The following DIPK1A variants were observed in gnomAD, a reference collection of about 807,000 sequenced individuals.
The protein encoded by DIPK1A is divergent protein kinase domain 1A.
DIPK1A carries 27 observed loss-of-function variants against 40.8 expected under a neutral mutation model. The observed-to-expected ratio is 0.66, with a 90% confidence interval of 0.49 to 0.91. The LOEUF (loss-of-function observed/expected upper bound fraction) is 0.91, where lower values mean the gene tolerates loss of function less well. Ranked by LOEUF, DIPK1A falls within the 40% of genes least tolerant of loss-of-function variation. DIPK1A has a pLI of 0.00. For synonymous variants in DIPK1A, 166 were observed against 171.3 expected (o/e 0.97, Z 0.24); for missense variants, 412 against 505.7 (o/e 0.81, Z 1.78).
intron 2 of DIPK1A, among the ~76,000 whole-genome samples, chr1:92,864,394 G>A (rs1026940544): frequency 1.3e-5 from 2 of 151,258 alleles, no homozygotes; most frequent in Non-Finnish European, 2.9e-5. Flanking sequence ...TAAAGGATGT[G>A]CTCATATAAT....
chr1:92,836,431 G>A, intron 4 of DIPK1A: 2 of 1,572,620 alleles, frequency 1.3e-6, no homozygotes, highest in South Asian at 1.1e-5. Flanking sequence ...CTGGACCGTG[G>A]TACTTCCCTG....
At chr1:92,834,899 C>G (rs766476007) in intron 4 of DIPK1A, 1 of 1,601,814 alleles carries the variant, frequency 6.2e-7, no homozygotes. Flanking sequence ...TACTGGCCTG[C>G]TGCTGGCCCG....
intron 4 of DIPK1A, among the ~76,000 whole-genome samples, chr1:92,846,911 G>GTATA (rs36139888): frequency 1.7e-4 from 2 of 11,614 alleles, no homozygotes; most frequent in East Asian, 1.9e-3. Flanking sequence ...ATATATACGT[G>GTATA]TATATATATA....
At chr1:92,909,673 T>C (rs1042218237) in intron 1 of DIPK1A, among the ~76,000 whole-genome samples, 1 of 152,192 alleles carries the variant, frequency 6.6e-6, no homozygotes, top group Non-Finnish European at 1.5e-5. Context: ...GTTCTGATTA[T>C]TGGCCCTAGG....
chr1:92,890,432 G>A (rs1648811230), intron 1 of DIPK1A, among the ~76,000 whole-genome samples: 1 of 152,146 alleles, frequency 6.6e-6, no homozygotes, highest in African/African-American at 2.4e-5. Flanking sequence ...TCCTTGTTCA[G>A]TATCATGTTG....
At chr1:92,948,801 A>G (rs1651506343) in intron 1 of DIPK1A, among the ~76,000 whole-genome samples, 1 of 145,380 alleles carries the variant, frequency 6.9e-6, no homozygotes, top group Admixed American at 7.0e-5. Context: ...GTGTGTGTAT[A>G]TATATATATT....
intron 1 of DIPK1A, among the ~76,000 whole-genome samples, chr1:92,914,310 G>A (rs555400625): frequency 6.6e-6 from 1 of 151,986 alleles, no homozygotes; most frequent in African/African-American, 2.4e-5. Context: ...CTTGTTCTAG[G>A]TTGTCTTTGT....
chr1:92,875,446 G>A (rs1648073067), intron 2 of DIPK1A, among the ~76,000 whole-genome samples: 1 of 152,148 alleles, frequency 6.6e-6, no homozygotes, highest in South Asian at 2.1e-4. Flanking sequence ...GCCAGGTGCG[G>A]TGGCTCATGC....
chr1:92,961,336 G>C (rs1322294749), intron 1 of DIPK1A, 40 bp downstream of exon 1: 11 of 1,458,052 alleles, frequency 7.5e-6, no homozygotes, highest in Non-Finnish European at 9.2e-6. Context: ...CACACGGCCG[G>C]GTGCTCCCGC....
intron 2 of DIPK1A, among the ~76,000 whole-genome samples, chr1:92,863,248 T>C (rs1329743581): frequency 6.6e-6 from 1 of 152,156 alleles, no homozygotes; most frequent in African/African-American, 2.4e-5. Flanking sequence ...ACAATAAATA[T>C]TTAACTGAAA....
intron 1 of DIPK1A, among the ~76,000 whole-genome samples, chr1:92,924,861 C>T (rs966548695): frequency 2.6e-5 from 4 of 152,208 alleles, no homozygotes; most frequent in Non-Finnish European, 4.4e-5. Flanking sequence ...CATGGGCCTT[C>T]GGCTCCCTGC....
At chr1:92,891,227 A>G (rs1648855634) in intron 1 of DIPK1A, among the ~76,000 whole-genome samples, 1 of 151,538 alleles carries the variant, frequency 6.6e-6, no homozygotes, top group Non-Finnish European at 1.5e-5. Context: ...TGGTTAGTCC[A>G]GCTAATGGTT....
chr1:92,852,078 G>A (rs1426449379), intron 2 of DIPK1A, among the ~76,000 whole-genome samples: 3 of 152,164 alleles, frequency 2.0e-5, no homozygotes, highest in Non-Finnish European at 2.9e-5. Flanking sequence ...CCCGCACATG[G>A]CTGGCTGAAG....
At chr1:92,948,930 A>C (rs1268048471) in intron 1 of DIPK1A, among the ~76,000 whole-genome samples, 1 of 149,666 alleles carries the variant, frequency 6.7e-6, no homozygotes, top group Non-Finnish European at 1.5e-5. Flanking sequence ...TCAGCCTCAC[A>C]AGTAGCTGGG....
At chr1:92,848,614 C>G (rs1557451191) in intron 3 of DIPK1A, among the ~76,000 whole-genome samples, 1 of 152,216 alleles carries the variant, frequency 6.6e-6, no homozygotes, top group Non-Finnish European at 1.5e-5. Context: ...CCCAGGTCAC[C>G]TCTAACCCTG....
In DIPK1A at chr1:92,895,836, A is replaced by C. The variant is rs1451160577; in HGVS notation, c.55-19406T>G. Among the ~76,000 whole-genome samples, 16 of 152,148 alleles carry C rather than the reference A, an allele frequency of 1.1e-4. No homozygotes were observed. In the East Asian group the frequency reaches 1.3e-3, roughly 13 times the overall value. On this transcript the variant is annotated intron_variant, in intron 1 of 4. Transcript: ENST00000370310. ...GGATACAAAATCAATGTGCAAAAATAACAAGCATTCTTATACACCAATAAC... is the reference window on the plus strand; with the variant it reads ...GGATACAAAATCAATGTGCAAAAATCACAAGCATTCTTATACACCAATAAC...
intron 3 of DIPK1A, among the ~76,000 whole-genome samples, chr1:92,848,886 A>G (rs925963970): frequency 3.3e-5 from 5 of 152,222 alleles, no homozygotes; most frequent in Admixed American, 6.5e-5. Flanking sequence ...TTTATATAGG[A>G]AAATTTAGGA....
intron 2 of DIPK1A, among the ~76,000 whole-genome samples, chr1:92,872,864 T>G (rs1037987467): frequency 1.3e-5 from 2 of 152,240 alleles, no homozygotes; most frequent in Non-Finnish European, 2.9e-5. Context: ...GAGTCTGTTC[T>G]GCTTTTCAAA....
At chr1:92,845,529 AC>A (rs1687571043) in intron 4 of DIPK1A, 2 of 289,160 alleles carry the variant, frequency 6.9e-6, no homozygotes, top group Non-Finnish European at 6.4e-6. Context: ...AAAAAAAAAA[AC>A]CGTCTCTGCT....
Sources: allele counts gnomAD v4.1 joint callset (sites outside exome capture counted in the v4.1 genomes callset), GRCh38; gene constraint gnomAD v4.1.1; transcripts MANE v1.5; gene names NCBI Gene and HGNC (gene_info 2026-07-23, HGNC 2026-07-21).